The following CTNNA2 variants were observed in gnomAD, a reference collection of about 807,000 sequenced individuals.
The protein encoded by CTNNA2 is catenin alpha-2.
A neutral mutation model predicts 101.0 loss-of-function variants in CTNNA2; 42 were observed. That is an observed-to-expected ratio of 0.42 (90% CI 0.32 to 0.54). The LOEUF (loss-of-function observed/expected upper bound fraction) is 0.54. Among genes scored for constraint, CTNNA2 ranks in the 20% least tolerant of loss-of-function variants. CTNNA2 has a pLI of 0.14. For synonymous variants in CTNNA2, 450 were observed against 456.4 expected (o/e 0.99, Z 0.18); for missense variants, 871 against 1,223.1 (o/e 0.71, Z 4.29).
chr2:80,141,089 G>T (rs1702977806), intron 7 of CTNNA2, among the ~76,000 whole-genome samples: 1 of 151,868 alleles, frequency 6.6e-6, no homozygotes, highest in South Asian at 2.1e-4. Context: ...TACTGTTTTA[G>T]AATGTAGAAT....
intron 3 of CTNNA2, among the ~76,000 whole-genome samples, chr2:79,365,311 A>C (rs570558160): frequency 6.6e-6 from 1 of 152,228 alleles, no homozygotes; most frequent in African/African-American, 2.4e-5. Flanking sequence ...TTAAACCTGC[A>C]AATGAGAATT....
chr2:79,613,362 T>C (rs912949239), intron 1 of CTNNA2, among the ~76,000 whole-genome samples: 3 of 151,674 alleles, frequency 2.0e-5, no homozygotes, highest in Non-Finnish European at 4.4e-5. Context: ...TTTTTTTTTT[T>C]TTCTTGAAAT....
chr2:79,506,975 G>A (rs1039941660), intron 5 of CTNNA2, among the ~76,000 whole-genome samples: 2 of 152,052 alleles, frequency 1.3e-5, no homozygotes, highest in African/African-American at 2.4e-5. Flanking sequence ...TCCAGATAGC[G>A]GCTATTCAGT....
intron 9 of CTNNA2, among the ~76,000 whole-genome samples, chr2:80,503,296 A>G (rs1411855605): frequency 6.6e-6 from 1 of 152,210 alleles, no homozygotes; most frequent in Admixed American, 6.5e-5. Context: ...ATTTTGTCCC[A>G]CCTATTAATT....
chr2:79,854,122 CA>C (rs1680944660), intron 3 of CTNNA2, among the ~76,000 whole-genome samples: 1 of 136,834 alleles, frequency 7.3e-6, no homozygotes, highest in Non-Finnish European at 1.6e-5. Flanking sequence ...AGCAGAGCAC[CA>C]TTTTTTTTTT....
intron 7 of CTNNA2, among the ~76,000 whole-genome samples, chr2:80,202,864 A>G (rs2149019882): frequency 6.6e-6 from 1 of 152,352 alleles, no homozygotes; most frequent in South Asian, 2.1e-4. Context: ...TGATAAAGAC[A>G]TACCCAAGAC....
chr2:79,745,301 T>G (rs1671565365), intron 3 of CTNNA2, among the ~76,000 whole-genome samples: 1 of 151,812 alleles, frequency 6.6e-6, no homozygotes, highest in Non-Finnish European at 1.5e-5. Context: ...CATGGCAGCG[T>G]GCGCCTGTAG....
chr2:80,382,315 G>A (rs1425014881), intron 7 of CTNNA2, among the ~76,000 whole-genome samples: 1 of 151,920 alleles, frequency 6.6e-6, no homozygotes, highest in African/African-American at 2.4e-5. Context: ...GAAATGTAAT[G>A]GTCTGACACT....
chr2:79,492,966 C>G (rs995230372), intron 4 of CTNNA2, among the ~76,000 whole-genome samples: 1 of 152,116 alleles, frequency 6.6e-6, no homozygotes, highest in Non-Finnish European at 1.5e-5. Flanking sequence ...ATCACAACAT[C>G]ATTGCAATAA....
chr2:80,639,952 A>C (rs2149852183), intron 18 of CTNNA2, among the ~76,000 whole-genome samples: 1 of 152,142 alleles, frequency 6.6e-6, no homozygotes, highest in East Asian at 2.0e-4. Context: ...AAATACACAA[A>C]TTAGCCAGGC....
intron 9 of CTNNA2, among the ~76,000 whole-genome samples, chr2:80,510,201 C>T (rs936653351): frequency 6.6e-6 from 1 of 152,124 alleles, no homozygotes; most frequent in Non-Finnish European, 1.5e-5. Flanking sequence ...TGCCTAGTCG[C>T]TCATTGATTT....
chr2:80,194,151 C>T (rs1706690217), intron 7 of CTNNA2, among the ~76,000 whole-genome samples: 1 of 152,100 alleles, frequency 6.6e-6, no homozygotes, highest in African/African-American at 2.4e-5. Flanking sequence ...AGCCAATTGC[C>T]ATTTCTCACC....
chr2:80,414,291 T>C (rs1343376151), intron 8 of CTNNA2, among the ~76,000 whole-genome samples: 1 of 152,236 alleles, frequency 6.6e-6, no homozygotes, highest in African/African-American at 2.4e-5. Context: ...GGAAGCATTG[T>C]AGCATACTTG....
At chr2:79,753,756 T>A (rs1448249425) in intron 3 of CTNNA2, among the ~76,000 whole-genome samples, 1 of 152,200 alleles carries the variant, frequency 6.6e-6, no homozygotes, top group African/African-American at 2.4e-5. Context: ...ATGAAAGTGA[T>A]GGCCAAGCCA....
At chr2:80,087,194 C>G (rs1699496557) in intron 7 of CTNNA2, among the ~76,000 whole-genome samples, 1 of 151,996 alleles carries the variant, frequency 6.6e-6, no homozygotes, top group Non-Finnish European at 1.5e-5. Context: ...TTCTAATTGT[C>G]TACACCTTCA....
chr2:79,670,596 G>C (rs1682769854), intron 2 of CTNNA2, among the ~76,000 whole-genome samples: 1 of 152,138 alleles, frequency 6.6e-6, no homozygotes, highest in Non-Finnish European at 1.5e-5. Context: ...TTACCAGTTT[G>C]GGTGCCTTAT....
intron 1 of CTNNA2, among the ~76,000 whole-genome samples, chr2:79,538,210 A>G (rs1673188439): frequency 6.6e-6 from 1 of 151,474 alleles, no homozygotes; most frequent in Non-Finnish European, 1.5e-5. Context: ...TGGAAGGATT[A>G]TGCTGCAGCA....
chr2:80,297,516 G>T (rs564011913), intron 7 of CTNNA2, among the ~76,000 whole-genome samples: 19 of 152,226 alleles, frequency 1.2e-4, no homozygotes, highest in African/African-American at 4.3e-4. Context: ...GAATGCAATT[G>T]CCAGGCCCTT....
At chr2:79,841,423 T>C (rs1362357556) in intron 3 of CTNNA2, among the ~76,000 whole-genome samples, 1 of 152,228 alleles carries the variant, frequency 6.6e-6, no homozygotes, top group Non-Finnish European at 1.5e-5. Flanking sequence ...CAAATAAGCC[T>C]AAGATTCAGA....
Sources: gnomAD v4.1 joint callset for allele counts (sites outside exome capture counted in the v4.1 genomes callset) on GRCh38, gnomAD v4.1.1 for gene constraint, MANE v1.5 for transcripts, NCBI Gene and HGNC (gene_info 2026-07-23, HGNC 2026-07-21) for gene names.